Variants in ANKHD1 observed in about 807,000 individuals in gnomAD.
ANKHD1 encodes ankyrin repeat and KH domain-containing protein 1.
In ANKHD1, 31 loss-of-function variants were observed where a neutral mutation model predicts 230.5. That is an observed-to-expected ratio of 0.13 (90% CI 0.10 to 0.18). The LOEUF (loss-of-function observed/expected upper bound fraction) is 0.18. ANKHD1 is among the 10% of genes least tolerant of loss of function. The pLI, the probability that ANKHD1 is intolerant of heterozygous loss-of-function variation, is 1.00. For missense variants in ANKHD1, 2,256 were observed against 3,071.3 expected (o/e 0.73, Z 6.27); for synonymous variants, 1,074 against 1,117.6 (o/e 0.96, Z 0.78).
At chr5:140,519,110 A>G (rs201372210) in intron 24 of ANKHD1, among the ~76,000 whole-genome samples, 1 of 152,356 alleles carries the variant, frequency 6.6e-6, no homozygotes. Context: ...AAATCAATGT[A>G]CAAAAATCAC....
At chr5:140,468,691 A>C (rs1776282576) in intron 10 of ANKHD1, among the ~76,000 whole-genome samples, 1 of 152,216 alleles carries the variant, frequency 6.6e-6, no homozygotes, top group African/African-American at 2.4e-5. Context: ...CATTTAATAT[A>C]TGTGATATAA....
In ANKHD1 at chr5:140,529,689, C is replaced by G. The variant is rs772492571; in HGVS notation, c.6743C>G (p.Ala2248Gly). The change falls in exon 29 of 34, where the codon GCG becomes GGG. Residue 2248 changes from alanine (A) to glycine (G), a missense_variant. Physicochemically the swap from Ala to Gly is moderately conservative, Grantham distance 60. Around this residue, in one of 13 missense-constraint regions of ANKHD1, gnomAD observed 778 missense variants for 966.5 expected, o/e 0.80. Coordinates refer to ENST00000360839, the MANE Select transcript of ANKHD1 (RefSeq NM_017747.3). ...ATDASFTVQSAFLGNSVLGHL... is the reference protein window; with the variant it reads ...ATDASFTVQSGFLGNSVLGHL... ...GATGCCTCTTTCACTGTTCAGTCAG[C>G]GTTCCTGGGTAACTCAGTGCTTGGA... 3 of 1,614,176 alleles carry G rather than the reference C, an allele frequency of 1.9e-6. No individual in the cohort carries two copies.
chr5:140,466,218 C>T (rs1318609189), intron 10 of ANKHD1, among the ~76,000 whole-genome samples: 1 of 151,794 alleles, frequency 6.6e-6, no homozygotes, highest in Non-Finnish European at 1.5e-5. Context: ...TTGGTGAAAC[C>T]CTGTCTCTAC....
intron 29 of ANKHD1, among the ~76,000 whole-genome samples, chr5:140,534,996 G>C (rs1193054879): frequency 1.3e-5 from 2 of 152,174 alleles, no homozygotes; most frequent in African/African-American, 4.8e-5. Flanking sequence ...AGGGAATGCA[G>C]GAGTTATTGT....
intron 14 of ANKHD1, among the ~76,000 whole-genome samples, chr5:140,495,566 T>G (rs920737717): frequency 6.6e-6 from 1 of 152,160 alleles, no homozygotes; most frequent in African/African-American, 2.4e-5. Context: ...CTAAACAAGA[T>G]TAAGCCTTAG....
intron 11 of ANKHD1, chr5:140,484,857 G>A: frequency 3.6e-6 from 1 of 275,918 alleles, no homozygotes; most frequent in Non-Finnish European, 6.3e-6. Context: ...TCAGGGTAGT[G>A]GTTACCATTG....
Position 140,458,616 on chromosome 5 carries a change from A to C in ANKHD1, c.1243-9A>C. ...CTCTCCTTCTTTCTTTACTTCTGAA[A>C]ATCTGCAGGATGGACATGTAGAGGT... On this transcript the variant is annotated splice_polypyrimidine_tract_variant and intron_variant, in intron 7 of 33. Coordinates refer to ENST00000360839, the MANE Select transcript of ANKHD1 (RefSeq NM_017747.3). 1 of 1,571,368 alleles carries C rather than the reference A, an allele frequency of 6.4e-7. No individual in the cohort carries two copies. Among genetic ancestry groups the C allele is most frequent in the Non-Finnish European group, 8.7e-7 (1 of 1,150,984 alleles).
At chr5:140,423,834 G>A (rs1018055112) in intron 1 of ANKHD1, among the ~76,000 whole-genome samples, 24 of 152,074 alleles carry the variant, frequency 1.6e-4, no homozygotes, top group Admixed American at 1.2e-3. Context: ...TAGGAGGTTG[G>A]GCCTAATAAG....
chr5:140,498,722 T>C (rs1332347102), intron 15 of ANKHD1, among the ~76,000 whole-genome samples: 2 of 152,160 alleles, frequency 1.3e-5, no homozygotes, highest in African/African-American at 4.8e-5. Context: ...CGAATAATAA[T>C]GATGAAACTG....
At chr5:140,427,650 AC>A (rs1227517244) in intron 1 of ANKHD1, among the ~76,000 whole-genome samples, 1 of 106,816 alleles carries the variant, frequency 9.4e-6, no homozygotes, top group Non-Finnish European at 1.9e-5. Flanking sequence ...CGGGGGGCTG[AC>A]CCCCCCACCT....
intron 10 of ANKHD1, among the ~76,000 whole-genome samples, chr5:140,480,050 T>A (rs1022475932): frequency 2.1e-5 from 3 of 146,258 alleles, no homozygotes; most frequent in Admixed American, 6.9e-5. Flanking sequence ...GTAGCCTGAT[T>A]CCCATTTTAA....
chr5:140,458,666 T>G lies in ANKHD1; in HGVS notation c.1284T>G (p.Gly428=), dbSNP rs371377581. The G allele has an allele frequency of 3.9e-5, 63 of 1,610,944 alleles. No individual in the cohort carries two copies. The highest frequency in any genetic ancestry group is 5.2e-5 in the Non-Finnish European group (61 of 1,178,254). The change falls in exon 8 of 34, where the codon GGT becomes GGG. Residue 428 remains glycine (G), a synonymous_variant. Transcript: ENST00000360839. ...VEVARLLLDS[G]AQVNMPADSF... The stretch of plus-strand genomic sequence containing the variant: ...TGGCACGTTTGCTTTTGGATAGTGG[T>G]GCTCAAGTGAACATGCCTGCAGATT...
chr5:140,529,783 T>C lies in ANKHD1; in HGVS notation c.6837T>C (p.Ser2279=). The change falls in exon 29 of 34, where the codon TCT becomes TCC. Residue 2279 remains serine, a synonymous_variant. Coordinates refer to ENST00000360839, the MANE Select transcript of ANKHD1 (RefSeq NM_017747.3). ...TCAGACCACCTTCCCAGCGAGTTTC[T>C]ACTAGTCCAGTTGGTAAGTTATTAA... ...PGFRPPSQRV[S]TSPVGLPSID... 6.2e-7 allele frequency: 1 copy of C among 1,613,932 alleles called. No individual in the cohort carries two copies.
chr5:140,440,165 C>T lies in ANKHD1; in HGVS notation c.664C>T (p.Arg222Cys), dbSNP rs757773052. The T allele has an allele frequency of 6.2e-7, 1 of 1,612,446 alleles. No homozygotes were observed. The highest frequency in any genetic ancestry group is 1.1e-5 in the South Asian group (1 of 90,936). ...ACSDGDVNAV[R>C]KLLDEGRSVN... Reference sequence around the variant, plus strand: ...TTCAGATGGGGATGTTAATGCTGTTCGTAAATTGCTAGATGAAGGCAGAAG... The same window carrying T: ...TTCAGATGGGGATGTTAATGCTGTTTGTAAATTGCTAGATGAAGGCAGAAG... The change falls in exon 4 of 34, where the codon CGT (arginine) becomes TGT (cysteine). Residue 222 changes from arginine to cysteine, a missense_variant. Physicochemically the swap from Arg to Cys is radical, Grantham distance 180. Coordinates refer to ENST00000360839, the MANE Select transcript of ANKHD1 (RefSeq NM_017747.3).
At chr5:140,492,474 A>G (rs962886282) in intron 14 of ANKHD1, among the ~76,000 whole-genome samples, 5 of 152,214 alleles carry the variant, frequency 3.3e-5, no homozygotes, top group South Asian at 2.1e-4. Context: ...ATTTTTAACT[A>G]TGACCACAAT....
chr5:140,438,369 A>G lies in ANKHD1; in HGVS notation c.461-92A>G, dbSNP rs921033379. On this transcript the variant is annotated intron_variant, in intron 2 of 33. Transcript: ENST00000360839. ...ATTCTATACCATTTCTTTTTCCTAG[A>G]TAATAGTGTTTAGAAATATAATTAC... The G allele has an allele frequency of 1.3e-4, 175 of 1,338,908 alleles. 1 individual carries two copies. Among genetic ancestry groups the G allele is most frequent in the Non-Finnish European group, 1.7e-4 (172 of 1,018,864 alleles). 82.9% of individuals were successfully genotyped at this position (1,338,908 alleles called of 1,614,324 possible). A position where few individuals can be genotyped will look rare whatever the true frequency, so the allele number is the denominator to read the frequency against.
At chr5:140,509,328 CTA>C (rs1195263559) in intron 20 of ANKHD1, among the ~76,000 whole-genome samples, 3 of 152,172 alleles carry the variant, frequency 2.0e-5, no homozygotes, top group African/African-American at 7.2e-5. Context: ...TTTAATATCT[CTA>C]TTCATTATGC....
At chr5:140,516,729 A>G (rs1753029687) in intron 24 of ANKHD1, among the ~76,000 whole-genome samples, 1 of 152,130 alleles carries the variant, frequency 6.6e-6, no homozygotes, top group African/African-American at 2.4e-5. Context: ...CTTTACAGAG[A>G]AGCAAATGCT....
chr5:140,534,255 G>A (rs1382894268), intron 29 of ANKHD1, among the ~76,000 whole-genome samples: 1 of 152,190 alleles, frequency 6.6e-6, no homozygotes, highest in Non-Finnish European at 1.5e-5. Context: ...AGCCGGGCGT[G>A]ATGGCAGATG....
Sources: allele counts gnomAD v4.1 joint callset (sites outside exome capture counted in the v4.1 genomes callset), GRCh38; gene constraint gnomAD v4.1.1; regional missense constraint gnomAD v4.1.1; transcripts MANE v1.5; gene names NCBI Gene and HGNC (gene_info 2026-07-23, HGNC 2026-07-21).